Variants in DSCAM observed in about 807,000 individuals in gnomAD.
DSCAM encodes the protein cell adhesion molecule DSCAM.
DSCAM carries 47 observed loss-of-function variants against 217.7 expected under a neutral mutation model. That is an observed-to-expected ratio of 0.22 (90% CI 0.17 to 0.28). DSCAM has a LOEUF of 0.28. Ranked by LOEUF, DSCAM falls within the 10% of genes least tolerant of loss-of-function variation. DSCAM has a pLI of 1.00. For missense variants in DSCAM, 2,080 were observed against 2,618.3 expected (o/e 0.79, Z 4.49); for synonymous variants, 1,056 against 1,015.3 (o/e 1.04, Z -0.76).
At chr21:40,789,487 C>T (rs1181562108) in intron 1 of DSCAM, among the ~76,000 whole-genome samples, 2 of 151,646 alleles carry the variant, frequency 1.3e-5, no homozygotes, top group African/African-American at 4.8e-5. Context: ...ATAGCAGCTG[C>T]TTCATTATGT....
At chr21:40,793,857 C>CA (rs1323766048) in intron 1 of DSCAM, among the ~76,000 whole-genome samples, 1 of 151,902 alleles carries the variant, frequency 6.6e-6, no homozygotes, top group Non-Finnish European at 1.5e-5. Context: ...CTGGCTTAGA[C>CA]AAAAAATCAT....
intron 3 of DSCAM, among the ~76,000 whole-genome samples, chr21:40,659,353 G>GTATC (rs55878811): frequency 0.28 from 41,737 of 148,208 alleles, 6,052 homozygotes; most frequent in Admixed American, 0.4. Flanking sequence ...GATCAGATGA[G>GTATC]TATCTATCTA....
At chr21:40,110,067 T>C (rs183126711) in intron 20 of DSCAM, among the ~76,000 whole-genome samples, 5 of 152,082 alleles carry the variant, frequency 3.3e-5, no homozygotes, top group African/African-American at 7.2e-5. Flanking sequence ...TTGAAGAGAG[T>C]AGTGGTTCCC....
chr21:40,520,292 T>C (rs2076348576), intron 3 of DSCAM, among the ~76,000 whole-genome samples: 1 of 152,136 alleles, frequency 6.6e-6, no homozygotes, highest in South Asian at 2.1e-4. Context: ...AATACCATCT[T>C]TCTTCAAGAG....
chr21:40,378,204 T>C (rs2074982074), intron 3 of DSCAM, among the ~76,000 whole-genome samples: 1 of 152,212 alleles, frequency 6.6e-6, no homozygotes, highest in Non-Finnish European at 1.5e-5. Flanking sequence ...TGAAATGAAT[T>C]ACGTTTTAAT....
chr21:40,818,102 C>CAAAA (rs35894315), intron 1 of DSCAM, among the ~76,000 whole-genome samples: 2 of 52,246 alleles, frequency 3.8e-5, no homozygotes, highest in African/African-American at 1.7e-4. Flanking sequence ...GACTCCGTCT[C>CAAAA]AAAAAAAAAA....
chr21:40,611,729 T>C (rs2089317920), intron 3 of DSCAM, among the ~76,000 whole-genome samples: 1 of 152,270 alleles, frequency 6.6e-6, no homozygotes, highest in African/African-American at 2.4e-5. Flanking sequence ...GACAGTTTTC[T>C]AGGTGCTATG....
intron 15 of DSCAM, among the ~76,000 whole-genome samples, chr21:40,178,193 AC>A (rs140658157): frequency 1.9e-4 from 29 of 150,682 alleles, no homozygotes; most frequent in African/African-American, 6.8e-4. Flanking sequence ...TGTTAATTTC[AC>A]CCCCCCGGAA....
At position 40,846,750 on chromosome 21, in the gene DSCAM, C is replaced by A; in HGVS notation, c.-89G>T. On this transcript the variant is annotated 5_prime_UTR_variant, in exon 1 of 33. Coordinates refer to ENST00000400454, the MANE Select transcript of DSCAM (RefSeq NM_001389.5). ...GCCCGGCTCCGCTCGCCGCTCGGCA[C>A]CTGCCCGGGGGCCGCCGCCCGCCCG... 1.7e-6 allele frequency: 1 copy of A among 600,964 alleles called. No homozygotes were observed. The highest frequency in any genetic ancestry group is 2.1e-6 in the Non-Finnish European group (1 of 476,050). The allele number at this position is 600,964 out of a possible 1,614,324, so 37.2% of individuals were successfully genotyped here. A position where few individuals can be genotyped will look rare whatever the true frequency, so the allele number is the denominator to read the frequency against.
intron 32 of DSCAM, among the ~76,000 whole-genome samples, chr21:40,040,018 A>G (rs2088715600): frequency 6.6e-6 from 1 of 152,232 alleles, no homozygotes; most frequent in African/African-American, 2.4e-5. Flanking sequence ...CACAAGCTCT[A>G]GTTAGCAGAA....
At chr21:40,792,752 GA>G (rs1282401119) in intron 1 of DSCAM, among the ~76,000 whole-genome samples, 1 of 152,142 alleles carries the variant, frequency 6.6e-6, no homozygotes, top group Non-Finnish European at 1.5e-5. Context: ...CCAGAATAAA[GA>G]AATAAAACTC....
intron 3 of DSCAM, among the ~76,000 whole-genome samples, chr21:40,538,300 C>CG (rs1809209760): frequency 6.6e-6 from 1 of 151,832 alleles, no homozygotes; most frequent in South Asian, 2.1e-4. Flanking sequence ...AAGCTAACCC[C>CG]GTGCACAGCA....
chr21:40,530,478 C>T (rs2076434569), intron 3 of DSCAM, among the ~76,000 whole-genome samples: 1 of 152,198 alleles, frequency 6.6e-6, no homozygotes, highest in Non-Finnish European at 1.5e-5. Context: ...AATGCTCTAT[C>T]CCATTCTGTG....
intron 1 of DSCAM, among the ~76,000 whole-genome samples, chr21:40,741,255 T>C (rs907462438): frequency 2.5e-4 from 38 of 152,200 alleles, no homozygotes; most frequent in African/African-American, 8.7e-4. Flanking sequence ...AAACTGACAC[T>C]TAAAAATGTC....
chr21:40,222,742 G>A (rs1394172057), intron 11 of DSCAM, among the ~76,000 whole-genome samples: 3 of 152,216 alleles, frequency 2.0e-5, no homozygotes, highest in Non-Finnish European at 2.9e-5. Flanking sequence ...ATATCTCAGT[G>A]TAATCTCTAG....
intron 3 of DSCAM, among the ~76,000 whole-genome samples, chr21:40,401,767 C>G (rs575232004): frequency 2.8e-4 from 42 of 152,170 alleles, no homozygotes; most frequent in African/African-American, 1.0e-3. Context: ...GTCAAGAGAA[C>G]AGCACAAAGC....
intron 5 of DSCAM, among the ~76,000 whole-genome samples, chr21:40,349,916 C>T (rs2074610566): frequency 1.3e-5 from 2 of 151,732 alleles, no homozygotes; most frequent in Admixed American, 6.6e-5. Context: ...ATCTGAATGA[C>T]CTCTGATTGT....
intron 3 of DSCAM, among the ~76,000 whole-genome samples, chr21:40,511,904 T>C (rs950377206): frequency 7.0e-6 from 1 of 143,710 alleles, no homozygotes; most frequent in African/African-American, 2.6e-5. Context: ...GGCAGGAGAA[T>C]GGCGCGAATC....
At chr21:40,014,850 T>C (rs1336481921) in intron 32 of DSCAM, among the ~76,000 whole-genome samples, 1 of 152,254 alleles carries the variant, frequency 6.6e-6, no homozygotes, top group East Asian at 1.9e-4. Context: ...AAGGTCACCC[T>C]GACCTCTCAT....
Sources: gnomAD v4.1 joint callset for allele counts (sites outside exome capture counted in the v4.1 genomes callset) on GRCh38, gnomAD v4.1.1 for gene constraint, MANE v1.5 for transcripts, NCBI Gene and HGNC (gene_info 2026-07-23, HGNC 2026-07-21) for gene names.